The following STIM1 variants were observed in gnomAD, a reference collection of about 807,000 sequenced individuals.
The protein encoded by STIM1 is stromal interaction molecule 1.
In STIM1, 25 loss-of-function variants were observed where a neutral mutation model predicts 74.7. That is an observed-to-expected ratio of 0.33 (90% CI 0.24 to 0.47). The LOEUF (loss-of-function observed/expected upper bound fraction) is 0.47. Among genes scored for constraint, STIM1 ranks in the 20% least tolerant of loss-of-function variants. The pLI is 1.00. For synonymous variants in STIM1, 328 were observed against 348.8 expected, an observed-to-expected ratio of 0.94 and a Z score of 0.66; for missense variants, 728 against 920.8, an observed-to-expected ratio of 0.79 and a Z score of 2.71.
intron 2 of STIM1, among the ~76,000 whole-genome samples, chr11:4,013,823 G>A (rs1469753515): frequency 4.2e-5 from 6 of 143,776 alleles, no homozygotes; most frequent in Non-Finnish European, 7.5e-5. Flanking sequence ...TCCTGCCTCC[G>A]CCTCCCGAGT....
intron 1 of STIM1, among the ~76,000 whole-genome samples, chr11:3,904,288 A>G (rs2092422484): frequency 6.6e-6 from 1 of 151,602 alleles, no homozygotes; most frequent in Admixed American, 6.6e-5. Context: ...CCACCCTGTA[A>G]GGATGACCAG....
chr11:3,877,126 C>T (rs1427977717), intron 1 of STIM1, among the ~76,000 whole-genome samples: 2 of 152,000 alleles, frequency 1.3e-5, no homozygotes, highest in African/African-American at 4.8e-5. Flanking sequence ...TTTCATTTCC[C>T]CTTGATGGTT....
chr11:3,950,637 T>C (rs914108658), intron 1 of STIM1, among the ~76,000 whole-genome samples: 1 of 152,122 alleles, frequency 6.6e-6, no homozygotes, highest in African/African-American at 2.4e-5. Context: ...TTTTATTTTA[T>C]TTTTTTGAGA....
At chr11:3,881,916 C>T (rs1288962434) in intron 1 of STIM1, among the ~76,000 whole-genome samples, 4 of 151,744 alleles carry the variant, frequency 2.6e-5, no homozygotes, top group Non-Finnish European at 5.9e-5. Flanking sequence ...AGGTGATCCA[C>T]CTGCCTTAGC....
chr11:4,059,741 C>T (rs1162854758), intron 5 of STIM1, among the ~76,000 whole-genome samples: 1 of 152,034 alleles, frequency 6.6e-6, no homozygotes, highest in Non-Finnish European at 1.5e-5. Flanking sequence ...GTGAAGGTAT[C>T]CTATAGACAA....
chr11:4,025,400 T>G (rs1471433933), intron 3 of STIM1, among the ~76,000 whole-genome samples: 1 of 152,188 alleles, frequency 6.6e-6, no homozygotes, highest in Non-Finnish European at 1.5e-5. Flanking sequence ...CTGGATATCT[T>G]TGGAAGCTGA....
intron 2 of STIM1, among the ~76,000 whole-genome samples, chr11:4,004,974 A>G (rs1355837014): frequency 6.6e-6 from 1 of 152,260 alleles, no homozygotes; most frequent in Middle Eastern, 3.2e-3. Flanking sequence ...CAAAAAACAC[A>G]TGAGAAAATG....
chr11:3,945,193 A>G (rs1038342278), intron 1 of STIM1, among the ~76,000 whole-genome samples: 1 of 152,214 alleles, frequency 6.6e-6, no homozygotes, highest in Admixed American at 6.5e-5. Flanking sequence ...AATAATGGCA[A>G]CTGCCTCACT....
intron 3 of STIM1, among the ~76,000 whole-genome samples, chr11:4,036,335 A>G (rs1363071709): frequency 6.6e-6 from 1 of 152,146 alleles, no homozygotes; most frequent in African/African-American, 2.4e-5. Flanking sequence ...ATTTATCTTT[A>G]TAATAGAATG....
chr11:3,967,405 G>C, intron 1 of STIM1, 147 bp from the exon 2 acceptor site: 1 of 1,186,402 alleles, frequency 8.4e-7, no homozygotes, highest in Non-Finnish European at 1.2e-6. Context: ...TTACAGTCTA[G>C]ATGAAACACC....
intron 1 of STIM1, among the ~76,000 whole-genome samples, chr11:3,859,811 G>C (rs2135196946): frequency 1.3e-5 from 2 of 152,348 alleles, no homozygotes; most frequent in Admixed American, 1.3e-4. Flanking sequence ...CTTGGCTGAA[G>C]CTAATACTGG....
chr11:4,049,699 A>C (rs574683746), intron 3 of STIM1: 1 of 146,014 alleles, frequency 6.8e-6, no homozygotes, highest in East Asian at 2.0e-4. Context: ...GGTTGTATAC[A>C]CAACCCCCCT....
intron 5 of STIM1, among the ~76,000 whole-genome samples, chr11:4,062,935 A>G (rs1056885175): frequency 1.3e-5 from 2 of 152,232 alleles, no homozygotes; most frequent in Non-Finnish European, 1.5e-5. Flanking sequence ...ACTAAAAGGA[A>G]TGAAGTACTG....
intron 1 of STIM1, among the ~76,000 whole-genome samples, chr11:3,877,820 A>G (rs2091356228): frequency 6.6e-6 from 1 of 152,214 alleles, no homozygotes; most frequent in South Asian, 2.1e-4. Context: ...AAGGGTGCCC[A>G]GGACCTCTCC....
At position 4,093,143 on chromosome 11, in the gene STIM1, G is replaced by A. The variant is rs1477169826; in HGVS notation, c.*1345G>A. On this transcript the variant is annotated 3_prime_UTR_variant, in exon 13 of 13. Transcript: ENST00000526596. ...TTGTACTCCCTGGACACCCTCAAAT[G>A]GGGTTTTCTGTGTTATTTCATAAAA... 1 of 152,632 alleles carries A rather than the reference G, an allele frequency of 6.6e-6. No individual in the cohort carries two copies. Among genetic ancestry groups the A allele is most frequent in the African/African-American group, 2.4e-5 (1 of 41,420 alleles). 9.5% of individuals were successfully genotyped at this position (152,632 alleles called of 1,614,324 possible).
intron 2 of STIM1, among the ~76,000 whole-genome samples, chr11:4,017,780 A>G (rs533782130): frequency 2.0e-5 from 3 of 152,322 alleles, no homozygotes; most frequent in South Asian, 2.1e-4. Flanking sequence ...ATATATCCCA[A>G]TTCTGACAAA....
intron 1 of STIM1, among the ~76,000 whole-genome samples, chr11:3,946,239 C>T (rs2093071953): frequency 1.3e-5 from 2 of 152,256 alleles, no homozygotes; most frequent in South Asian, 4.1e-4. Context: ...GACTTGCCCT[C>T]TCTACACCCC....
chr11:4,030,846 G>A (rs528690255), intron 3 of STIM1, among the ~76,000 whole-genome samples: 68 of 152,272 alleles, frequency 4.5e-4, no homozygotes, highest in African/African-American at 1.6e-3. Context: ...TATATCTTAT[G>A]TGCATCTCCG....
intron 2 of STIM1, among the ~76,000 whole-genome samples, chr11:3,996,269 G>A (rs2093662391): frequency 6.6e-6 from 1 of 152,176 alleles, no homozygotes; most frequent in Non-Finnish European, 1.5e-5. Context: ...AGGACTTGGT[G>A]GAGGGGTGGC....
Sources: allele counts gnomAD v4.1 joint callset (sites outside exome capture counted in the v4.1 genomes callset), GRCh38; gene constraint gnomAD v4.1.1; transcripts MANE v1.5; gene names NCBI Gene and HGNC (gene_info 2026-07-23, HGNC 2026-07-21).